SCFD2: variants seen among roughly 807,000 people sequenced by gnomAD.
The protein encoded by SCFD2 is sec1 family domain containing 2.
SCFD2 carries 54 observed loss-of-function variants against 58.9 expected under a neutral mutation model. The ratio of observed to expected loss-of-function variants is 0.92; its 90% confidence interval spans 0.74 to 1.15. The LOEUF (loss-of-function observed/expected upper bound fraction) is 1.15. Ranked by LOEUF, SCFD2 falls within the 50% of genes most tolerant of loss-of-function variation. The probability of loss-of-function intolerance (pLI) is 0.00; values close to 1 mark genes in which losing one functional copy is unlikely to be tolerated. For synonymous variants in SCFD2, 321 were observed against 335.9 expected, an observed-to-expected ratio of 0.96 and a Z score of 0.49; for missense variants, 805 against 836.6, an observed-to-expected ratio of 0.96 and a Z score of 0.47.
At chr4:53,201,756 T>A (rs1728247365) in intron 4 of SCFD2, among the ~76,000 whole-genome samples, 1 of 152,220 alleles carries the variant, frequency 6.6e-6, no homozygotes, top group Non-Finnish European at 1.5e-5. Flanking sequence ...GGTTTTGATT[T>A]GCATTTCTCT....
At chr4:53,055,179 G>A (rs1289700522) in intron 5 of SCFD2, among the ~76,000 whole-genome samples, 1 of 152,130 alleles carries the variant, frequency 6.6e-6, no homozygotes, top group African/African-American at 2.4e-5. Context: ...GCCCTTTGAA[G>A]GTCTGTCATT....
chr4:52,990,090 A>G (rs984931826), intron 5 of SCFD2, among the ~76,000 whole-genome samples: 3 of 152,250 alleles, frequency 2.0e-5, no homozygotes, highest in Non-Finnish European at 2.9e-5. Flanking sequence ...TAACTGCAGC[A>G]GCAAATGTAA....
At chr4:53,350,751 C>T (rs1463764790) in intron 2 of SCFD2, among the ~76,000 whole-genome samples, 1 of 152,146 alleles carries the variant, frequency 6.6e-6, no homozygotes, top group Non-Finnish European at 1.5e-5. Context: ...ATTCTGTTGC[C>T]CAGGCTGGAG....
At chr4:52,889,515 C>T (rs1718832121) in intron 7 of SCFD2, among the ~76,000 whole-genome samples, 1 of 152,196 alleles carries the variant, frequency 6.6e-6, no homozygotes, top group Non-Finnish European at 1.5e-5. Flanking sequence ...GCATATAAGG[C>T]TTTTACAACT....
intron 7 of SCFD2, among the ~76,000 whole-genome samples, chr4:52,898,182 T>C (rs1197934767): frequency 1.3e-5 from 2 of 152,214 alleles, no homozygotes; most frequent in African/African-American, 2.4e-5. Flanking sequence ...AGTTATTTCT[T>C]GCCTTCTGCT....
In SCFD2 at chr4:53,247,516, A is replaced by G. The variant is rs76550503; in HGVS notation, c.1311+26310T>C. On this transcript the variant is annotated intron_variant, in intron 4 of 8. Coordinates refer to ENST00000401642, the MANE Select transcript of SCFD2 (RefSeq NM_152540.4). ...AATGCCCATCAATGAAAGACTGGAT[A>G]AAGAAAATGTGATACATATACACCA... 5.3e-4 allele frequency among the ~76,000 whole-genome samples: 81 copies of G among 152,302 alleles called. 1 individual carries two copies. In the East Asian group the frequency reaches 0.014, roughly 26 times the overall value.
chr4:53,276,356 C>A (rs7656204), intron 3 of SCFD2, among the ~76,000 whole-genome samples: 148,855 of 152,260 alleles, frequency 0.98, 72,859 homozygotes, highest in Middle Eastern at 1. Context: ...TCAGCAACAT[C>A]AAACAAGTTT....
intron 5 of SCFD2, among the ~76,000 whole-genome samples, chr4:53,020,452 A>T (rs549224352): frequency 6.6e-6 from 1 of 152,316 alleles, no homozygotes; most frequent in South Asian, 2.1e-4. Context: ...AAAGATAGGG[A>T]AAGGTTAAGA....
chr4:52,886,558 G>A lies in SCFD2; in HGVS notation c.1843-692C>T, dbSNP rs550864890. ...CAAGCCAGGTATGGCCCAGTGGGCC[G>A]AGTAGGTGGGGCATCTCCTGTGGCA... is the stretch of plus-strand genomic sequence containing the variant. On this transcript the variant is annotated intron_variant, in intron 7 of 8. Transcript: ENST00000401642. Among the ~76,000 whole-genome samples the A allele has an allele frequency of 2.6e-5, 4 of 152,374 alleles. No individual in the cohort carries two copies. The South Asian group carries it at 8.3e-4, about 32-fold the overall frequency.
chr4:53,313,478 A>G (rs1340191563), intron 3 of SCFD2, among the ~76,000 whole-genome samples, 158 bp downstream of exon 3: 1 of 152,238 alleles, frequency 6.6e-6, no homozygotes, highest in Non-Finnish European at 1.5e-5. Flanking sequence ...GCTGAGCCCA[A>G]GGGCAGCGTG....
chr4:53,330,395 T>C (rs894853620), intron 2 of SCFD2, among the ~76,000 whole-genome samples: 6 of 152,046 alleles, frequency 3.9e-5, no homozygotes, highest in Non-Finnish European at 8.8e-5. Context: ...ACAGCGTATC[T>C]CTCAGCAGAA....
intron 7 of SCFD2, among the ~76,000 whole-genome samples, chr4:52,903,697 C>A (rs1364446526): frequency 6.6e-6 from 1 of 152,144 alleles, no homozygotes; most frequent in African/African-American, 2.4e-5. Flanking sequence ...TTAAATCATG[C>A]GTGTGTATCT....
intron 5 of SCFD2, among the ~76,000 whole-genome samples, chr4:53,012,836 G>GTGTTTTT (rs1553914338): frequency 1.4e-5 from 2 of 145,084 alleles, no homozygotes; most frequent in Non-Finnish European, 3.0e-5. Context: ...GTGTGTGTGT[G>GTGTTTTT]TTTTTTTTTA....
intron 4 of SCFD2, among the ~76,000 whole-genome samples, chr4:53,238,509 C>A (rs1207317361): frequency 1.3e-5 from 2 of 151,674 alleles, no homozygotes; most frequent in South Asian, 2.1e-4. Context: ...CTGACCCCCC[C>A]ACCTCCCTCC....
At chr4:52,962,222 G>T (rs1720868328) in intron 5 of SCFD2, among the ~76,000 whole-genome samples, 1 of 152,176 alleles carries the variant, frequency 6.6e-6, no homozygotes, top group African/African-American at 2.4e-5. Context: ...CTGATTCCAG[G>T]AAGTAGGTCA....
intron 5 of SCFD2, among the ~76,000 whole-genome samples, chr4:53,094,747 G>A (rs538908963): frequency 2.6e-4 from 39 of 150,222 alleles, no homozygotes; most frequent in South Asian, 8.4e-4. Context: ...CCACTTCTCC[G>A]TTCAGCAACC....
intron 6 of SCFD2, among the ~76,000 whole-genome samples, chr4:52,908,670 T>C (rs1007127005): frequency 6.6e-6 from 1 of 152,200 alleles, no homozygotes; most frequent in Non-Finnish European, 1.5e-5. Flanking sequence ...TCCAGTCATT[T>C]TTTTTTACTC....
intron 5 of SCFD2, among the ~76,000 whole-genome samples, chr4:53,003,521 A>G (rs1721909146): frequency 6.6e-6 from 1 of 152,178 alleles, no homozygotes; most frequent in Middle Eastern, 3.2e-3. Context: ...ACTGTCTTCA[A>G]GTTTTATTTG....
chr4:53,218,776 T>A (rs915727244), intron 4 of SCFD2, among the ~76,000 whole-genome samples: 4 of 152,220 alleles, frequency 2.6e-5, no homozygotes, highest in Non-Finnish European at 5.9e-5. Context: ...TGTGGTTTTA[T>A]CTACCTTTGC....
Sources: gnomAD v4.1 joint callset for allele counts (sites outside exome capture counted in the v4.1 genomes callset) on GRCh38, gnomAD v4.1.1 for gene constraint, MANE v1.5 for transcripts, NCBI Gene and HGNC (gene_info 2026-07-23, HGNC 2026-07-21) for gene names.